The following AK7 variants were observed in gnomAD, a reference collection of about 807,000 sequenced individuals.
The protein encoded by AK7 is adenylate kinase 7.
In AK7, 78 loss-of-function variants were observed where a neutral mutation model predicts 96.6. That is an observed-to-expected ratio of 0.81 (90% confidence interval 0.67 to 0.97). The LOEUF (loss-of-function observed/expected upper bound fraction) is 0.97, where lower values mean the gene tolerates loss of function less well. Among genes scored for constraint, AK7 ranks in the 50% least tolerant of loss-of-function variants. AK7 has a pLI of 0.00. For missense variants in AK7, 855 were observed against 887.9 expected, an observed-to-expected ratio of 0.96 and a Z score of 0.47; for synonymous variants, 302 against 317.2, an observed-to-expected ratio of 0.95 and a Z score of 0.51.
At chr14:96,427,691 C>T (rs931287584) in intron 5 of AK7, among the ~76,000 whole-genome samples, 3 of 152,152 alleles carry the variant, frequency 2.0e-5, no homozygotes, top group Non-Finnish European at 4.4e-5. Flanking sequence ...ACTATTGTCC[C>T]TTTGAATAAA....
At chr14:96,468,566 G>A (rs1205325547) in intron 12 of AK7, among the ~76,000 whole-genome samples, 1 of 151,828 alleles carries the variant, frequency 6.6e-6, no homozygotes, top group Non-Finnish European at 1.5e-5. Flanking sequence ...CAAAGTGCTG[G>A]GATTACAGGC....
At chr14:96,447,068 C>T (rs1893279150) in intron 8 of AK7, among the ~76,000 whole-genome samples, 1 of 152,222 alleles carries the variant, frequency 6.6e-6, no homozygotes, top group South Asian at 2.1e-4. Context: ...TCTGCATTTG[C>T]AGTATATACT....
chr14:96,429,468 C>T (rs1156978397), intron 5 of AK7, among the ~76,000 whole-genome samples: 1 of 152,108 alleles, frequency 6.6e-6, no homozygotes, highest in East Asian at 1.9e-4. Flanking sequence ...TCCGTATGAA[C>T]TTTAAAGTAT....
intron 6 of AK7, among the ~76,000 whole-genome samples, chr14:96,441,707 G>GTAGT (rs1161286058): frequency 6.7e-6 from 1 of 149,058 alleles, no homozygotes; most frequent in Non-Finnish European, 1.5e-5. Context: ...TTTGCTTTAT[G>GTAGT]TAGTTCCTAG....
rs185807304 is a variant in AK7, at chr14:96,407,805, T to A, written c.404-1042T>A. 9.6e-3 allele frequency among the ~76,000 whole-genome samples: 1,455 copies of A among 152,000 alleles called. 28 individuals carry two copies. Among genetic ancestry groups the A allele is most frequent in the African/African-American group, 0.034 (1,406 of 41,452 alleles). On this transcript the variant is annotated intron_variant, in intron 3 of 17. Coordinates refer to ENST00000267584, the MANE Select transcript of AK7 (RefSeq NM_152327.5). ...ACTGTGTTAGCCAGGATGGTCTTGA[T>A]CTCCTGACCTCGTGATCCGCCCGCC...
intron 13 of AK7, among the ~76,000 whole-genome samples, chr14:96,472,161 C>A (rs985977547): frequency 1.3e-5 from 2 of 151,986 alleles, no homozygotes; most frequent in African/African-American, 2.4e-5. Context: ...TTGCATATAG[C>A]AGAATTTCCT....
At chr14:96,471,151 G>A (rs1894860283) in intron 12 of AK7, among the ~76,000 whole-genome samples, 1 of 151,950 alleles carries the variant, frequency 6.6e-6, no homozygotes, top group Non-Finnish European at 1.5e-5. Context: ...GGGCAACATT[G>A]CAAGATCCTT....
intron 5 of AK7, among the ~76,000 whole-genome samples, chr14:96,433,642 G>A (rs1288473559): frequency 6.6e-6 from 1 of 152,164 alleles, no homozygotes; most frequent in Non-Finnish European, 1.5e-5. Flanking sequence ...GGAGAAGTTT[G>A]TTATTACCGA....
intron 14 of AK7, among the ~76,000 whole-genome samples, chr14:96,475,032 T>C (rs887239863): frequency 9.9e-5 from 15 of 152,186 alleles, no homozygotes; most frequent in African/African-American, 3.6e-4. Context: ...AACCTGCCTG[T>C]GAGATAAGGA....
At chr14:96,404,728 T>C in intron 2 of AK7, 29 bp from the exon 3 acceptor site, 2 of 1,490,942 alleles carry the variant, frequency 1.3e-6, no homozygotes, top group Non-Finnish European at 1.9e-6. Context: ...AGCGTCTTGC[T>C]GCAAATGGCT....
intron 1 of AK7, among the ~76,000 whole-genome samples, chr14:96,397,104 G>A (rs1890124755): frequency 6.6e-6 from 1 of 152,080 alleles, no homozygotes; most frequent in African/African-American, 2.4e-5. Flanking sequence ...CTCAAAAAAA[G>A]AAATGTCGCT....
chr14:96,416,824 G>A (rs1891375699), intron 4 of AK7, among the ~76,000 whole-genome samples: 1 of 152,314 alleles, frequency 6.6e-6, no homozygotes, highest in East Asian at 1.9e-4. Context: ...TACACAAACA[G>A]ATCTCTGTCC....
intron 4 of AK7, 59 bp from the exon 5 acceptor site, chr14:96,420,763 T>C: frequency 8.3e-7 from 1 of 1,202,584 alleles, no homozygotes; most frequent in Middle Eastern, 2.4e-4. Flanking sequence ...TCTTTAGCCT[T>C]AGAAGTCACA....
chr14:96,456,596 T>C, intron 11 of AK7, 121 bp downstream of exon 11: 1 of 1,195,572 alleles, frequency 8.4e-7, no homozygotes, highest in East Asian at 2.6e-5. Flanking sequence ...CCAATTTTGT[T>C]GGCAACATCC....
chr14:96,436,296 A>G (rs1892630972), intron 5 of AK7, among the ~76,000 whole-genome samples: 1 of 152,124 alleles, frequency 6.6e-6, no homozygotes, highest in South Asian at 2.1e-4. Context: ...CAGGCCTAAT[A>G]TTTGTGAGGT....
chr14:96,456,257 A>AAAG, intron 10 of AK7, 90 bp from the exon 11 acceptor site: 3 of 1,138,948 alleles, frequency 2.6e-6, no homozygotes, highest in African/African-American at 1.6e-5. Flanking sequence ...AAAAAAAAAA[A>AAAG]AAAAGCACTC....
At chr14:96,435,059 G>A (rs1430463619) in intron 5 of AK7, among the ~76,000 whole-genome samples, 1 of 152,022 alleles carries the variant, frequency 6.6e-6, no homozygotes, top group Non-Finnish European at 1.5e-5. Context: ...GTCAAGTCAT[G>A]GCAGGGACCC....
chr14:96,452,392 G>A (rs571840475), intron 10 of AK7, among the ~76,000 whole-genome samples: 11 of 151,690 alleles, frequency 7.3e-5, no homozygotes, highest in Admixed American at 7.2e-4. Context: ...GTGTGATCTC[G>A]GCTCACAGCA....
At chr14:96,484,362 C>T (rs979759034) in intron 16 of AK7, among the ~76,000 whole-genome samples, 4 of 152,226 alleles carry the variant, frequency 2.6e-5, no homozygotes, top group Admixed American at 2.6e-4. Flanking sequence ...TCCTCCCCAA[C>T]TCCACCCTGC....
Sources: gnomAD v4.1 joint callset for allele counts (sites outside exome capture counted in the v4.1 genomes callset) on GRCh38, gnomAD v4.1.1 for gene constraint, MANE v1.5 for transcripts, NCBI Gene and HGNC (gene_info 2026-07-23, HGNC 2026-07-21) for gene names.